DAZL: variants seen among roughly 807,000 people sequenced by gnomAD.
The protein encoded by DAZL is deleted in azoospermia like.
A neutral mutation model predicts 45.0 loss-of-function variants in DAZL; 4 were observed. The ratio of observed to expected loss-of-function variants is 0.09; its 90% CI spans 0.04 to 0.20. The LOEUF (loss-of-function observed/expected upper bound fraction) is 0.20, where lower values mean the gene tolerates loss of function less well. Among genes scored for constraint, DAZL ranks in the 10% least tolerant of loss-of-function variants. The pLI, the probability that DAZL is intolerant of heterozygous loss-of-function variation, is 1.00. For missense variants in DAZL, 326 were observed against 351.3 expected (o/e 0.93, Z 0.58); for synonymous variants, 122 against 112.4 (o/e 1.09, Z -0.54).
chr3:16,604,647 G>A lies in DAZL; in HGVS notation c.3+556C>T, dbSNP rs1016962936. ...CCCCGCCCACCCCACCAAGTACAGG[G>A]ACCAGGAGGGAACCACTTCCTAAGG... is the stretch of plus-strand genomic sequence containing the variant. On this transcript the variant is annotated intron_variant, in intron 1 of 10. Coordinates refer to ENST00000399444, the MANE Select transcript of DAZL (RefSeq NM_001351.4). 5 of 1,371,228 alleles carry A rather than the reference G, an allele frequency of 3.6e-6. No individual in the cohort carries two copies. In the African/African-American group the frequency reaches 4.5e-5, roughly 12 times the overall value. 84.9% of individuals were successfully genotyped at this position (1,371,228 alleles called of 1,614,324 possible).
intron 4 of DAZL, 138 bp from the exon 5 acceptor site, chr3:16,597,189 C>A: frequency 1.8e-6 from 2 of 1,129,476 alleles, no homozygotes; most frequent in South Asian, 2.9e-5. Context: ...TAAAATTTGT[C>A]ATCATGAAGC....
intron 6 of DAZL, among the ~76,000 whole-genome samples, chr3:16,595,932 A>C (rs1694592919): frequency 6.6e-6 from 1 of 152,000 alleles, no homozygotes; most frequent in South Asian, 2.1e-4. Context: ...TTGAAAACAT[A>C]TAGGTGGCAG....
chr3:16,589,205 T>C (rs1474386384), intron 10 of DAZL, among the ~76,000 whole-genome samples: 4 of 152,296 alleles, frequency 2.6e-5, no homozygotes, highest in South Asian at 4.1e-4. Context: ...GAAGATGTAT[T>C]ATTCTTTAGA....
Position 16,588,700 on chromosome 3 carries a change from T to C in DAZL, c.848A>G (p.His283Arg), listed in dbSNP as rs375327855. ...QDDYFKDKRV[H>R]HFRRSRAMLK... ...CATTGCCCGACTTCTTCTAAAGTGATGCACTCTTTTATCCTGGAAAAGACA... is the reference window on the plus strand; with the variant it reads ...CATTGCCCGACTTCTTCTAAAGTGACGCACTCTTTTATCCTGGAAAAGACA... Residue 283 changes from histidine (H) to arginine (R), a missense_variant, in exon 11 of 11, where the codon CAT becomes CGT. His to Arg is a conservative substitution (Grantham distance 29). Coordinates refer to ENST00000399444, the MANE Select transcript of DAZL (RefSeq NM_001351.4). 6.2e-7 allele frequency: 1 copy of C among 1,611,534 alleles called. No homozygotes were observed. The highest frequency in any genetic ancestry group is 8.5e-7 in the Non-Finnish European group (1 of 1,178,114).
intron 7 of DAZL, 33 bp from the exon 8 acceptor site, chr3:16,594,616 T>G: frequency 6.6e-7 from 1 of 1,511,154 alleles, no homozygotes; most frequent in Non-Finnish European, 8.9e-7. Context: ...CCAAAATTAT[T>G]CAAATATTCC....
At chr3:16,591,275 C>T (rs1047653900) in intron 10 of DAZL, among the ~76,000 whole-genome samples, 2 of 152,130 alleles carry the variant, frequency 1.3e-5, no homozygotes, top group African/African-American at 4.8e-5. Flanking sequence ...CAACTACCCA[C>T]ATTCTCTTCC....
intron 1 of DAZL, chr3:16,604,515 C>G: frequency 1.3e-6 from 2 of 1,512,512 alleles, no homozygotes; most frequent in Non-Finnish European, 1.8e-6. Flanking sequence ...GCAAGTCCCC[C>G]GCAGCTGACA....
At chr3:16,598,065 T>C (rs1303809255) in intron 3 of DAZL, 22 bp downstream of exon 3, 31 of 1,519,914 alleles carry the variant, frequency 2.0e-5, no homozygotes, top group Non-Finnish European at 2.6e-5. Context: ...AGAGTTCAGA[T>C]ATTTTTGATA....
chr3:16,604,306 C>G (rs1034076397), intron 1 of DAZL: 7 of 769,302 alleles, frequency 9.1e-6, no homozygotes, highest in Non-Finnish European at 1.4e-5. Context: ...ATTTACCAAA[C>G]TCACAAAAAC....
chr3:16,598,674 A>T (rs1451966202), intron 1 of DAZL, 76 bp from the exon 2 acceptor site: 1 of 1,423,560 alleles, frequency 7.0e-7, no homozygotes, highest in Non-Finnish European at 9.3e-7. Flanking sequence ...TAATTTTTGT[A>T]TTTTAAGTAT....
At chr3:16,598,733 G>A in intron 1 of DAZL, 135 bp from the exon 2 acceptor site, 3 of 1,082,354 alleles carry the variant, frequency 2.8e-6, no homozygotes, top group Non-Finnish European at 3.6e-6. Context: ...TCAGGCTCAG[G>A]ATTTAAACTT....
Position 16,598,529 on chromosome 3 carries a change from C to G in DAZL, c.73G>C (p.Ala25Pro). Reference sequence around the variant, plus strand: ...GGTAAAATATAGCCTTGGCTGGTTGCAGCTGATGAGGACTGGGTGCTGGCC... The same window carrying G: ...GGTAAAATATAGCCTTGGCTGGTTGGAGCTGATGAGGACTGGGTGCTGGCC... ...REASTQSSSAATSQGYILPEG... is the reference protein window; with the variant it reads ...REASTQSSSAPTSQGYILPEG... The change falls in exon 2 of 11, where the codon GCA (alanine) becomes CCA (proline). Residue 25 changes from alanine to proline, a missense_variant. Around this residue, in one of 3 missense-constraint regions of DAZL, gnomAD observed 81 missense variants for 89.6 expected, o/e 0.90. Coordinates refer to ENST00000399444, the MANE Select transcript of DAZL (RefSeq NM_001351.4). 1 of 1,606,234 alleles carries G rather than the reference C, an allele frequency of 6.2e-7. No individual in the cohort carries two copies. Among genetic ancestry groups the G allele is most frequent in the Non-Finnish European group, 8.5e-7 (1 of 1,179,152 alleles).
intron 1 of DAZL, among the ~76,000 whole-genome samples, 187 bp downstream of exon 1, chr3:16,605,016 G>C (rs1694756473): frequency 6.6e-6 from 1 of 152,264 alleles, no homozygotes; most frequent in African/African-American, 2.4e-5. Context: ...CTGCCTCTCT[G>C]TGTAGGCCGC....
chr3:16,603,907 G>A (rs1203494330), intron 1 of DAZL, among the ~76,000 whole-genome samples: 1 of 152,112 alleles, frequency 6.6e-6, no homozygotes, highest in Admixed American at 6.5e-5. Context: ...TAAGTGTTGG[G>A]ATTAAGATGG....
At chr3:16,589,204 T>G (rs539203109) in intron 10 of DAZL, among the ~76,000 whole-genome samples, 207 of 152,296 alleles carry the variant, frequency 1.4e-3, no homozygotes, top group African/African-American at 4.4e-3. Flanking sequence ...TGAAGATGTA[T>G]TATTCTTTAG....
chr3:16,598,142 A>G lies in DAZL; in HGVS notation c.187T>C (p.Tyr63His). The change falls in exon 3 of 11, where the codon TAT becomes CAT. Residue 63 changes from tyrosine to histidine, a missense_variant. Transcript: ENST00000399444. ...ETEIRSFFAR[Y>H]GSVKEVKIIT... ...ATCTTCACTTCTTTCACTGAACCAT[A>G]TCTAGCAAAGAAGCTTCTAATCTCA... The G allele has an allele frequency of 1.9e-6, 3 of 1,600,912 alleles. No individual in the cohort carries two copies. The highest frequency in any genetic ancestry group is 2.6e-6 in the Non-Finnish European group (3 of 1,170,674).
chr3:16,593,068 T>C (rs1198482691), intron 9 of DAZL, among the ~76,000 whole-genome samples: 5 of 152,222 alleles, frequency 3.3e-5, no homozygotes, highest in African/African-American at 4.8e-5. Context: ...GTAAGTAATG[T>C]GTTTCACTGT....
chr3:16,598,646 TATAC>T (rs1391073768), intron 1 of DAZL, 48 bp from the exon 2 acceptor site: 3 of 1,550,390 alleles, frequency 1.9e-6, no homozygotes, highest in African/African-American at 1.4e-5. Flanking sequence ...AGGAAAAACC[TATAC>T]ATAATGTGAA....
At chr3:16,595,047 G>GA (rs1237144885) in intron 7 of DAZL, among the ~76,000 whole-genome samples, 1 of 151,962 alleles carries the variant, frequency 6.6e-6, no homozygotes, top group Non-Finnish European at 1.5e-5. Flanking sequence ...CAGCAAAGAT[G>GA]AAAAAATACA....
Sources: gnomAD v4.1 joint callset for allele counts (sites outside exome capture counted in the v4.1 genomes callset) on GRCh38, gnomAD v4.1.1 for gene constraint, gnomAD v4.1.1 regional missense constraint, MANE v1.5 for transcripts, NCBI Gene and HGNC (gene_info 2026-07-23, HGNC 2026-07-21) for gene names.